Variants in ZNF536 observed in about 807,000 individuals in gnomAD.
The protein encoded by ZNF536 is zinc finger protein 536.
ZNF536 carries 13 observed loss-of-function variants against 84.5 expected under a neutral mutation model. That is an observed-to-expected ratio of 0.15 (90% confidence interval 0.10 to 0.24). The LOEUF (loss-of-function observed/expected upper bound fraction) is 0.24. ZNF536 is among the 10% of genes least tolerant of loss of function. The probability of loss-of-function intolerance (pLI) is 1.00; values close to 1 mark genes in which losing one functional copy is unlikely to be tolerated. For synonymous variants in ZNF536, 811 were observed against 742.5 expected (o/e 1.09, Z -1.50); for missense variants, 1,536 against 1,747.5 (o/e 0.88, Z 2.16).
chr19:30,321,737 G>A (rs928031357), intron 2 of ZNF536, among the ~76,000 whole-genome samples: 1 of 146,446 alleles, frequency 6.8e-6, no homozygotes, highest in Admixed American at 6.8e-5. Flanking sequence ...AGTCTACCTG[G>A]CTAATTTAAT....
intron 2 of ZNF536, among the ~76,000 whole-genome samples, chr19:30,447,339 T>C (rs1301036270): frequency 2.0e-5 from 3 of 152,178 alleles, no homozygotes; most frequent in Non-Finnish European, 2.9e-5. Context: ...AGGACAAAAT[T>C]AGTATTAAAA....
upstream of ZNF536, among the ~76,000 whole-genome samples, chr19:30,371,558 G>GTTTTTTTTTTTTTTTTTTTTTTTTTT (rs11343587): frequency 7.4e-6 from 1 of 135,782 alleles, no homozygotes; most frequent in African/African-American, 2.8e-5. Flanking sequence ...GTCTTTTCTT[G>GTTTTTTTTTTTTTTTTTTTTTTTTTT]TTTTTTTTTT....
intron 4 of ZNF536, chr19:30,553,862 G>A (rs1568549088): frequency 6.6e-6 from 1 of 152,218 alleles, no homozygotes; most frequent in Non-Finnish European, 1.5e-5. Context: ...TCAGCAAGTT[G>A]ATTGTGGGCA....
chr19:30,671,367 G>A (rs1464667650), intron 1 of ZNF536, among the ~76,000 whole-genome samples: 1 of 152,228 alleles, frequency 6.6e-6, no homozygotes, highest in Non-Finnish European at 1.5e-5. Context: ...CCCAGCCGGG[G>A]AGCTGAAGGG....
intron 2 of ZNF536, among the ~76,000 whole-genome samples, chr19:30,290,738 G>T (rs1425781092): frequency 6.6e-6 from 1 of 152,092 alleles, no homozygotes; most frequent in Non-Finnish European, 1.5e-5. Context: ...TTGTTACATA[G>T]GTACACATGT....
chr19:30,380,936 A>G (rs2147161976), intron 1 of ZNF536, among the ~76,000 whole-genome samples: 1 of 152,300 alleles, frequency 6.6e-6, no homozygotes, highest in African/African-American at 2.4e-5. Context: ...GAGTGCAGCC[A>G]TGCAATCACC....
chr19:30,312,647 G>C (rs1234105618), intron 2 of ZNF536, among the ~76,000 whole-genome samples: 1 of 152,204 alleles, frequency 6.6e-6, no homozygotes, highest in Non-Finnish European at 1.5e-5. Context: ...GGGGGGACCA[G>C]GTGTCCAGAA....
rs78478460 is a variant in ZNF536, at chr19:30,627,008, T to C, written c.169+77494T>C. ...CAGAATGATGGGACTGGCAGTAAGG[T>C]GGGGAGTACTGGGCTCTGGAGGGTG... On this transcript the variant is annotated intron_variant, in intron 1 of 1. Coordinates refer to the ZNF536 transcript ENST00000592773. Among the ~76,000 whole-genome samples, 433 of 152,090 alleles carry C rather than the reference T, an allele frequency of 2.8e-3. 17 individuals carry two copies. The East Asian group carries it at 0.076, about 27-fold the overall frequency.
intron 1 of ZNF536, among the ~76,000 whole-genome samples, chr19:30,615,497 T>G (rs942290110): frequency 6.6e-6 from 1 of 152,218 alleles, no homozygotes; most frequent in Non-Finnish European, 1.5e-5. Context: ...CTGCTTTTTC[T>G]GCACCTGTTT....
chr19:30,368,746 G>A (rs1358793173), upstream of ZNF536, among the ~76,000 whole-genome samples: 1 of 152,242 alleles, frequency 6.6e-6, no homozygotes, highest in Non-Finnish European at 1.5e-5. Context: ...CAAACCAACT[G>A]TAGGGAGGAT....
chr19:30,635,933 C>G (rs537494769), intron 1 of ZNF536, among the ~76,000 whole-genome samples: 1 of 152,332 alleles, frequency 6.6e-6, no homozygotes, highest in African/African-American at 2.4e-5. Context: ...AGGCTCTCCC[C>G]GGGTACTCCA....
Position 30,445,602 on chromosome 19 carries a change from C to T in ZNF536, c.2040C>T (p.Ser680=), listed in dbSNP as rs1355959486. The T allele has an allele frequency of 1.9e-6, 3 of 1,612,914 alleles. No individual in the cohort carries two copies. Among genetic ancestry groups the T allele is most frequent in the Non-Finnish European group, 2.5e-6 (3 of 1,179,664 alleles). The change falls in exon 2 of 5, where the codon TCC becomes TCT. Residue 680 remains serine, a synonymous_variant. Coordinates refer to ENST00000355537, the MANE Select transcript of ZNF536 (RefSeq NM_014717.3). The surrounding 1 kb of genome is among the most constrained non-coding windows in gnomAD (Gnocchi z 4.5). ...GTGGCTCGGGCAGTGACCAGGAGTC[C>T]CAGTCGGTGAGCCGCTCCACCACGC... ...ERRGSGSDQE[S]QSVSRSTTPG...
intron 2 of ZNF536, among the ~76,000 whole-genome samples, chr19:30,342,238 G>A (rs1165658874): frequency 6.6e-6 from 1 of 152,142 alleles, no homozygotes; most frequent in African/African-American, 2.4e-5. Context: ...CCCATTGTTT[G>A]CTTTCGACAC....
At chr19:30,425,880 T>C (rs1401858802) in intron 1 of ZNF536, among the ~76,000 whole-genome samples, 1 of 152,130 alleles carries the variant, frequency 6.6e-6, no homozygotes, top group Non-Finnish European at 1.5e-5. Context: ...GATGCAAGGA[T>C]GTGAGTGTCC....
At chr19:30,380,894 A>G (rs1304045288) in intron 1 of ZNF536, among the ~76,000 whole-genome samples, 1 of 152,114 alleles carries the variant, frequency 6.6e-6, no homozygotes, top group Non-Finnish European at 1.5e-5. Context: ...TTTTAATTTT[A>G]GAGACAGGGG....
Position 30,573,779 on chromosome 19 carries a change from A to G in ZNF536, c.169+24265A>G, listed in dbSNP as rs141993387. 2.1e-3 allele frequency among the ~76,000 whole-genome samples: 327 copies of G among 152,296 alleles called. 1 individual carries two copies. The highest frequency in any genetic ancestry group is 7.3e-3 in the African/African-American group (302 of 41,558). On this transcript the variant is annotated intron_variant, in intron 1 of 1. Coordinates refer to the ZNF536 transcript ENST00000592773. ...GGGCCAATCCTTGGACATCTGAGTT[A>G]AGCCACCTTGGAGAGAGGCAGATGG...
intron 1 of ZNF536, among the ~76,000 whole-genome samples, chr19:30,433,837 C>T (rs1470981131): frequency 6.6e-6 from 1 of 152,194 alleles, no homozygotes; most frequent in Non-Finnish European, 1.5e-5. Flanking sequence ...ATGCCTTGGT[C>T]ATATCCTTCC....
Position 30,359,564 on chromosome 19 carries a change from T to A in ZNF536, c.-3+7080T>A, listed in dbSNP as rs562756207. Among the ~76,000 whole-genome samples the A allele has an allele frequency of 2.6e-5, 4 of 152,064 alleles. No homozygotes were observed. In the South Asian group the frequency reaches 8.3e-4, roughly 32 times the overall value. On this transcript the variant is annotated intron_variant, in intron 3 of 5. Coordinates refer to the ZNF536 transcript ENST00000585628. ...CAGTCAGGATGCCCCTCTGCAGGCA[T>A]CTGGTTCCACCTTCCTTCCTGTCTC...
chr19:30,432,092 T>C (rs1241679006), intron 1 of ZNF536, among the ~76,000 whole-genome samples: 1 of 151,120 alleles, frequency 6.6e-6, no homozygotes, highest in Non-Finnish European at 1.5e-5. Flanking sequence ...CTTTCCTTGG[T>C]GGGGTGGACA....
Sources: gnomAD v4.1 joint callset for allele counts (sites outside exome capture counted in the v4.1 genomes callset) on GRCh38, gnomAD v4.1.1 for gene constraint, Gnocchi (gnomAD v3.1) non-coding constraint, MANE v1.5 for transcripts, NCBI Gene and HGNC (gene_info 2026-07-23, HGNC 2026-07-21) for gene names.